TNKS: variants seen among roughly 807,000 people sequenced by gnomAD.
TNKS encodes the protein poly [ADP-ribose] polymerase tankyrase-1.
Under a neutral mutation model 135.8 loss-of-function variants are expected in TNKS, and 72 were observed. The observed-to-expected ratio is 0.53, with a 90% confidence interval of 0.44 to 0.64. TNKS has a LOEUF of 0.64. Ranked by LOEUF, TNKS falls within the 30% of genes least tolerant of loss-of-function variation. TNKS has a pLI of 0.00. For missense variants in TNKS, 1,769 were observed against 1,674.0 expected (o/e 1.06, Z -0.99); for synonymous variants, 849 against 649.3 (o/e 1.31, Z -4.68).
chr8:9,766,566 A>T (rs1166893722), intron 25 of TNKS, 141 bp downstream of exon 25: 10 of 649,522 alleles, frequency 1.5e-5, no homozygotes, highest in Non-Finnish European at 2.0e-5. Context: ...GGCTCACGCA[A>T]CCTCCACCTC....
chr8:9,764,655 C>CA, intron 22 of TNKS, 61 bp from the exon 23 acceptor site: 1 of 1,299,576 alleles, frequency 7.7e-7, no homozygotes, highest in Non-Finnish European at 1.1e-6. Flanking sequence ...ATTTTAGACT[C>CA]ATCATTGTCT....
chr8:9,715,094 G>C (rs1804540036), intron 11 of TNKS, among the ~76,000 whole-genome samples: 1 of 152,126 alleles, frequency 6.6e-6, no homozygotes. Context: ...TACAGGAGGA[G>C]TATGAAGAAG....
At chr8:9,576,747 C>T (rs539720682) in intron 1 of TNKS, among the ~76,000 whole-genome samples, 1 of 152,062 alleles carries the variant, frequency 6.6e-6, no homozygotes, top group African/African-American at 2.4e-5. Flanking sequence ...AGAGCCAAAC[C>T]ATATCAGCCA....
At chr8:9,642,616 A>T (rs1353716965) in intron 3 of TNKS, among the ~76,000 whole-genome samples, 1 of 146,394 alleles carries the variant, frequency 6.8e-6, no homozygotes, top group Non-Finnish European at 1.5e-5. Context: ...GTGTTCTTGA[A>T]ATAAGATTTT....
rs780382422 is a variant in TNKS, at chr8:9,751,599, A to G, written c.2833-10A>G. On this transcript the variant is annotated splice_polypyrimidine_tract_variant and intron_variant, in intron 18 of 26. Transcript: ENST00000310430. ...ATTTTCATGGTTTTTGTTTTTAATC[A>G]TTTTTTTAGGCTGACGATATCAGAG... The G allele has an allele frequency of 3.0e-5, 48 of 1,604,130 alleles. No homozygotes were observed. Among genetic ancestry groups the G allele is most frequent in the Non-Finnish European group, 3.6e-5 (42 of 1,174,852 alleles).
In TNKS at chr8:9,574,560, A is replaced by G. The variant is rs370606130; in HGVS notation, c.674-5599A>G. Among the ~76,000 whole-genome samples, 11 of 152,298 alleles carry G rather than the reference A, an allele frequency of 7.2e-5. 1 individual carries two copies. Among genetic ancestry groups the G allele is most frequent in the African/African-American group, 2.6e-4 (11 of 41,564 alleles). ...TTTAAGATTTAAATAGAATCAAGTAATTTCCCTAATAAATGGTTTCCCACA... is the reference window on the plus strand; with the variant it reads ...TTTAAGATTTAAATAGAATCAAGTAGTTTCCCTAATAAATGGTTTCCCACA... On this transcript the variant is annotated intron_variant, in intron 1 of 26. Transcript: ENST00000310430.
intron 1 of TNKS, among the ~76,000 whole-genome samples, chr8:9,565,294 G>A (rs1482582580): frequency 6.6e-6 from 1 of 151,744 alleles, no homozygotes; most frequent in Non-Finnish European, 1.5e-5. Context: ...TATTTATTTT[G>A]GTTTTGGAAG....
chr8:9,775,399 G>T (rs1200824491), intron 26 of TNKS, among the ~76,000 whole-genome samples: 1 of 138,016 alleles, frequency 7.2e-6, no homozygotes, highest in Non-Finnish European at 1.5e-5. Flanking sequence ...AGAAACTGTT[G>T]TTGTTTTTAA....
chr8:9,763,593 C>G (rs932667371), intron 22 of TNKS, among the ~76,000 whole-genome samples: 9 of 152,184 alleles, frequency 5.9e-5, no homozygotes, highest in African/African-American at 1.7e-4. Flanking sequence ...TCATAGAGAG[C>G]AAATATGTTC....
chr8:9,663,758 A>G (rs912084815), intron 3 of TNKS, among the ~76,000 whole-genome samples: 4 of 152,206 alleles, frequency 2.6e-5, no homozygotes, highest in African/African-American at 9.6e-5. Flanking sequence ...AAGGAATTAC[A>G]AAGGCTGCAG....
intron 2 of TNKS, among the ~76,000 whole-genome samples, chr8:9,605,551 T>A (rs529468853): frequency 7.9e-4 from 120 of 152,258 alleles, no homozygotes; most frequent in Non-Finnish European, 1.1e-3. Context: ...TATTTAGCTA[T>A]ATAAGGAACT....
chr8:9,565,296 T>A (rs1797482664), intron 1 of TNKS, among the ~76,000 whole-genome samples: 1 of 152,162 alleles, frequency 6.6e-6, no homozygotes, highest in East Asian at 1.9e-4. Context: ...TTTATTTTGG[T>A]TTTGGAAGAG....
intron 3 of TNKS, among the ~76,000 whole-genome samples, chr8:9,649,742 A>C (rs1382181302): frequency 6.6e-6 from 1 of 151,778 alleles, no homozygotes; most frequent in Non-Finnish European, 1.5e-5. Flanking sequence ...TCCATTCCTG[A>C]GTTACTTCAC....
chr8:9,615,643 C>A lies in TNKS; in HGVS notation c.960C>A (p.Asp320Glu). The change falls in exon 3 of 27, where the codon GAC becomes GAA. Residue 320 changes from aspartate (D) to glutamate (E), a missense_variant. By Grantham distance (45) the Asp-to-Glu change is conservative. Around this residue, in one of 5 missense-constraint regions of TNKS, gnomAD observed 523 missense variants for 541.0 expected, o/e 0.97. Transcript: ENST00000310430. The part of the protein sequence containing the change: ...IRNTDGKSAL[D>E]LADPSAKAVL... ...ACACTGATGGGAAATCAGCCCTGGA[C>A]CTGGCAGATCCTTCAGCAAAAGCTG... is the stretch of plus-strand genomic sequence containing the variant. The A allele has an allele frequency of 6.2e-7, 1 of 1,613,378 alleles. No homozygotes were observed. The highest frequency in any genetic ancestry group is 8.5e-7 in the Non-Finnish European group (1 of 1,179,692).
At chr8:9,559,465 T>G (rs1486842744) in intron 1 of TNKS, among the ~76,000 whole-genome samples, 1 of 152,172 alleles carries the variant, frequency 6.6e-6, no homozygotes, top group Non-Finnish European at 1.5e-5. Context: ...ACTTTTAGGT[T>G]CAGGGATTAC....
At chr8:9,729,811 G>A (rs1239599747) in intron 13 of TNKS, among the ~76,000 whole-genome samples, 1 of 107,534 alleles carries the variant, frequency 9.3e-6, no homozygotes, top group Non-Finnish European at 1.7e-5. Context: ...GTCTCACTCT[G>A]TCACCAGACT....
intron 17 of TNKS, among the ~76,000 whole-genome samples, chr8:9,745,922 G>A (rs956243919): frequency 1.1e-4 from 16 of 152,178 alleles, no homozygotes; most frequent in African/African-American, 3.9e-4. Context: ...TGAAGTGAGT[G>A]TCTTCAAGAG....
At chr8:9,602,557 A>T (rs1034366848) in intron 2 of TNKS, among the ~76,000 whole-genome samples, 2 of 152,184 alleles carry the variant, frequency 1.3e-5, no homozygotes, top group African/African-American at 2.4e-5. Flanking sequence ...GCCTGTGAGG[A>T]TACTAGCGGA....
chr8:9,619,809 G>C (rs557519488), intron 3 of TNKS, among the ~76,000 whole-genome samples: 33 of 123,686 alleles, frequency 2.7e-4, no homozygotes, highest in African/African-American at 8.7e-4. Context: ...TTTTTTTCCT[G>C]CTAACTGCCT....
Sources: gnomAD v4.1 joint callset for allele counts (sites outside exome capture counted in the v4.1 genomes callset) on GRCh38, gnomAD v4.1.1 for gene constraint, gnomAD v4.1.1 regional missense constraint, MANE v1.5 for transcripts, NCBI Gene and HGNC (gene_info 2026-07-23, HGNC 2026-07-21) for gene names.